Variants in FAM133A observed in about 807,000 individuals in gnomAD.
FAM133A encodes family with sequence similarity 133 member A.
For missense variants in FAM133A, 159 were observed against 164.4 expected, an observed-to-expected ratio of 0.97 and a Z score of 0.18; for synonymous variants, 65 against 58.6, an observed-to-expected ratio of 1.11 and a Z score of -0.50.
At chrX:93,686,689 C>T (rs1157181799) in intron 2 of FAM133A, among the ~76,000 whole-genome samples, 1 of 112,153 alleles carries the variant, frequency 8.9e-6, no homozygotes, top group East Asian at 2.8e-4. Context: ...AATTCAATTA[C>T]TTGCCACTTG....
At chrX:93,690,383 T>A (rs758016288) in intron 2 of FAM133A, among the ~76,000 whole-genome samples, 10 of 111,498 alleles carry the variant, frequency 9.0e-5, no homozygotes, top group Non-Finnish European at 1.7e-4. Flanking sequence ...AGTCAATCCT[T>A]GTTTTTACAA....
At chrX:93,677,297 C>G (rs1243894958) in intron 2 of FAM133A, among the ~76,000 whole-genome samples, 1 of 110,242 alleles carries the variant, frequency 9.1e-6, no homozygotes, top group Non-Finnish European at 1.9e-5. Context: ...CTTCCACCAC[C>G]CACTCCTACC....
intron 2 of FAM133A, among the ~76,000 whole-genome samples, chrX:93,679,994 G>T (rs1000595321): frequency 2.2e-5 from 2 of 91,601 alleles, no homozygotes; most frequent in African/African-American, 9.1e-5. Flanking sequence ...AGCCAGGATG[G>T]TCTCCATCTC....
At chrX:93,695,238 C>A (rs1435860260) in intron 2 of FAM133A, among the ~76,000 whole-genome samples, 9 of 110,915 alleles carry the variant, frequency 8.1e-5, no homozygotes, top group African/African-American at 3.0e-4. Flanking sequence ...ATCATAATAA[C>A]CTGAAGACAT....
intron 3 of FAM133A, 35 bp from the exon 4 acceptor site, chrX:93,709,282 G>A: frequency 3.6e-6 from 3 of 827,450 alleles, no homozygotes; most frequent in African/African-American, 2.1e-5. Context: ...TATATTAAAG[G>A]TGATTTGTAA....
intron 2 of FAM133A, among the ~76,000 whole-genome samples, chrX:93,688,053 G>A (rs1925650359): frequency 9.0e-6 from 1 of 110,692 alleles, no homozygotes; most frequent in Non-Finnish European, 1.9e-5. Context: ...ATCTGTTGAT[G>A]GACATTTAGG....
intron 3 of FAM133A, among the ~76,000 whole-genome samples, chrX:93,705,163 A>G (rs908177227): frequency 1.8e-5 from 2 of 111,737 alleles, no homozygotes; most frequent in African/African-American, 6.5e-5. Flanking sequence ...ATTGCATAGT[A>G]TCTTGGCACA....
At chrX:93,707,822 A>G (rs1927136327) in intron 3 of FAM133A, among the ~76,000 whole-genome samples, 1 of 111,700 alleles carries the variant, frequency 9.0e-6, no homozygotes, top group African/African-American at 3.3e-5. Context: ...TTATTGAGAA[A>G]ATATTTATTG....
At chrX:93,684,776 AC>A in intron 2 of FAM133A, among the ~76,000 whole-genome samples, 1 of 99,858 alleles carries the variant, frequency 1.0e-5, no homozygotes, top group Admixed American at 1.0e-4. Flanking sequence ...AATTAAAAAA[AC>A]AAACATTTAA....
intron 3 of FAM133A, among the ~76,000 whole-genome samples, chrX:93,701,583 G>A (rs1182771685): frequency 8.9e-6 from 1 of 111,916 alleles, no homozygotes; most frequent in Non-Finnish European, 1.9e-5. Context: ...TACTTCATAT[G>A]TAGTCATGTC....
intron 2 of FAM133A, among the ~76,000 whole-genome samples, chrX:93,697,187 AT>A (rs200056213): frequency 0.4 from 39,579 of 99,611 alleles, 6,718 homozygotes; most frequent in Admixed American, 0.5. Flanking sequence ...ATATATATAT[AT>A]ATAATATATC....
intron 3 of FAM133A, among the ~76,000 whole-genome samples, chrX:93,708,870 G>A (rs1359622568): frequency 9.0e-6 from 1 of 111,550 alleles, no homozygotes; most frequent in Non-Finnish European, 1.9e-5. Flanking sequence ...TGACCGTTGA[G>A]GGAGAAGGAT....
intron 2 of FAM133A, among the ~76,000 whole-genome samples, chrX:93,677,726 T>C (rs762569712): frequency 8.9e-6 from 1 of 112,209 alleles, no homozygotes; most frequent in African/African-American, 3.2e-5. Context: ...TTTTGAAATT[T>C]ACCCATGTTG....
chrX:93,711,487 C>T lies in FAM133A; in HGVS notation c.*1321C>T. 1 of 122,717 alleles carries T rather than the reference C, an allele frequency of 8.1e-6. No individual in the cohort carries two copies. Among genetic ancestry groups the T allele is most frequent in the Non-Finnish European group, 1.9e-5 (1 of 53,110 alleles). 10.1% of individuals were successfully genotyped at this position (122,717 alleles called of 1,213,427 possible). Reference sequence around the variant, plus strand: ...TAAGTGAAAAAATATTTTTACTTTACATTTTTATATATCAGAGTAACATAA... The same window carrying T: ...TAAGTGAAAAAATATTTTTACTTTATATTTTTATATATCAGAGTAACATAA... On this transcript the variant is annotated 3_prime_UTR_variant, in exon 4 of 4. Coordinates refer to ENST00000683942, the MANE Select transcript of FAM133A (RefSeq NM_001171109.2).
intron 2 of FAM133A, among the ~76,000 whole-genome samples, chrX:93,679,463 C>T (rs1193523817): frequency 9.1e-6 from 1 of 110,397 alleles, no homozygotes; most frequent in Non-Finnish European, 1.9e-5. Context: ...AGCAATATAC[C>T]CTTAACTGCA....
chrX:93,676,305 A>C (rs561605409), intron 2 of FAM133A, among the ~76,000 whole-genome samples: 1 of 111,963 alleles, frequency 8.9e-6, no homozygotes, highest in Admixed American at 9.5e-5. Flanking sequence ...AAAGTAACTC[A>C]AAATACCACT....
intron 2 of FAM133A, among the ~76,000 whole-genome samples, chrX:93,690,082 T>G (rs1925790325): frequency 9.1e-6 from 1 of 109,496 alleles, no homozygotes; most frequent in Admixed American, 9.8e-5. Flanking sequence ...AGATATAGAC[T>G]TGGGTGTAAA....
intron 2 of FAM133A, among the ~76,000 whole-genome samples, chrX:93,692,899 T>A (rs1371580555): frequency 9.0e-6 from 1 of 111,346 alleles, no homozygotes; most frequent in Non-Finnish European, 1.9e-5. Context: ...GAACAACATG[T>A]CATGGAAATA....
intron 2 of FAM133A, among the ~76,000 whole-genome samples, chrX:93,687,146 T>A (rs980444205): frequency 1.8e-5 from 2 of 112,387 alleles, no homozygotes; most frequent in Admixed American, 1.9e-4. Context: ...GAAAATGTGG[T>A]ATATATACAA....
Sources: gnomAD v4.1 joint callset for allele counts (sites outside exome capture counted in the v4.1 genomes callset) on GRCh38, gnomAD v4.1.1 for gene constraint, MANE v1.5 for transcripts, NCBI Gene and HGNC (gene_info 2026-07-23, HGNC 2026-07-21) for gene names.